The following GLYATL1 variants were observed in gnomAD, a reference collection of about 807,000 sequenced individuals.
GLYATL1 encodes the protein glycine N-acyltransferase-like protein 1.
A neutral mutation model predicts 20.0 loss-of-function variants in GLYATL1; 15 were observed. That is an observed-to-expected ratio of 0.75 (90% CI 0.50 to 1.15). The LOEUF (loss-of-function observed/expected upper bound fraction) is 1.15. Among genes scored for constraint, GLYATL1 ranks in the 50% most tolerant of loss-of-function variants. The probability of loss-of-function intolerance (pLI) is 0.00; values close to 1 mark genes in which losing one functional copy is unlikely to be tolerated. For missense variants in GLYATL1, 380 were observed against 368.5 expected (o/e 1.03, Z -0.26); for synonymous variants, 151 against 131.5 (o/e 1.15, Z -1.01).
At chr11:58,954,465 A>T (rs1257317688) in intron 4 of GLYATL1, among the ~76,000 whole-genome samples, 4 of 152,040 alleles carry the variant, frequency 2.6e-5, no homozygotes, top group Non-Finnish European at 5.9e-5. Flanking sequence ...GGGTAGGGAG[A>T]AAGGTGAGGC....
rs78104507 is a variant in GLYATL1 at position 58,920,192 on chromosome 11, C to T, written n.264+14531C>T. ...GCCCTTTGTAGTGCAATACTGCCAC[C>T]TGTTTCCGGGCCCATACAGTGTCTA... On this transcript the variant is annotated intron_variant and non_coding_transcript_variant, in intron 1 of 2. Coordinates refer to the GLYATL1 transcript ENST00000534674. Among the ~76,000 whole-genome samples, 214 of 152,240 alleles carry T rather than the reference C, an allele frequency of 1.4e-3. 5 individuals are homozygous for T. The East Asian group carries it at 0.036, about 25-fold the overall frequency.
At chr11:58,931,759 CAT>C (rs558277662) in intron 1 of GLYATL1, among the ~76,000 whole-genome samples, 54 of 152,104 alleles carry the variant, frequency 3.6e-4, no homozygotes, top group Non-Finnish European at 6.8e-4. Flanking sequence ...ACTCAGAATA[CAT>C]GTTTAACACG....
Position 58,955,729 on chromosome 11 carries a change from A to T in GLYATL1, c.611A>T (p.Asp204Val). The T allele has an allele frequency of 6.2e-7, 1 of 1,613,788 alleles. No homozygotes were observed. The highest frequency in any genetic ancestry group is 8.5e-7 in the Non-Finnish European group (1 of 1,179,964). ...SLHYIKRCIE[D>V]LPAACMLGPE... is the part of the protein sequence containing the mutation. ...CATTACATCAAGCGCTGCATAGAAG[A>T]CCTGCCAGCAGCCTGTATGCTCGGC... Residue 204 changes from aspartate to valine, a missense_variant, in exon 7 of 7, where the codon GAC becomes GTC. Asp to Val is a radical substitution (Grantham distance 152). Transcript: ENST00000532726.
At chr11:58,915,282 C>T (rs920296145) in intron 1 of GLYATL1, among the ~76,000 whole-genome samples, 3 of 152,212 alleles carry the variant, frequency 2.0e-5, no homozygotes, top group Admixed American at 6.5e-5. Flanking sequence ...CAGTCTCCTC[C>T]TGGTGAGGTG....
upstream of GLYATL1, among the ~76,000 whole-genome samples, chr11:58,936,272 TCTG>T (rs1353402427): frequency 6.6e-6 from 1 of 152,222 alleles, no homozygotes; most frequent in East Asian, 1.9e-4. Flanking sequence ...TGATGAGATA[TCTG>T]GAGTCACAAT....
chr11:58,905,686 G>T (rs1248443861), intron 1 of GLYATL1: 2 of 452,638 alleles, frequency 4.4e-6, no homozygotes, highest in African/African-American at 2.0e-5. Flanking sequence ...GCTGTGGACC[G>T]AGTGGTTCGG....
At chr11:58,907,217 GTCTC>G (rs141204903) in intron 1 of GLYATL1, 7 of 450,884 alleles carry the variant, frequency 1.6e-5, no homozygotes, top group Admixed American at 1.4e-4. Context: ...TGAGTTTTCT[GTCTC>G]TCTCTCTCTG....
chr11:58,947,744 A>G, intron 3 of GLYATL1, 114 bp from the exon 4 acceptor site: 1 of 729,802 alleles, frequency 1.4e-6, no homozygotes, highest in Non-Finnish European at 2.5e-6. Context: ...TCTCACCATC[A>G]CTGACTTGGT....
upstream of GLYATL1, chr11:58,927,610 GC>G (rs1855458368): frequency 6.6e-6 from 1 of 152,436 alleles, no homozygotes; most frequent in East Asian, 1.9e-4. Context: ...TGCCTCTGCT[GC>G]CATGTGGGCG....
At chr11:58,931,946 G>C (rs536979847) in intron 1 of GLYATL1, among the ~76,000 whole-genome samples, 9 of 151,638 alleles carry the variant, frequency 5.9e-5, no homozygotes, top group African/African-American at 2.2e-4. Flanking sequence ...CCCATCTCTA[G>C]TAAAACAGTA....
intron 3 of GLYATL1, chr11:58,947,524 G>A (rs1044227620): frequency 6.7e-6 from 3 of 445,006 alleles, no homozygotes; most frequent in Non-Finnish European, 1.2e-5. Context: ...TTCCATCAAT[G>A]AGATGGGAAT....
At chr11:58,932,375 A>G (rs995846861) in intron 1 of GLYATL1, among the ~76,000 whole-genome samples, 5 of 152,174 alleles carry the variant, frequency 3.3e-5, no homozygotes, top group Non-Finnish European at 7.3e-5. Context: ...ATAATAGGGC[A>G]ATATCTATTA....
intron 1 of GLYATL1, among the ~76,000 whole-genome samples, chr11:58,905,857 G>A (rs1410558191): frequency 6.6e-6 from 1 of 152,262 alleles, no homozygotes; most frequent in African/African-American, 2.4e-5. Context: ...ACTGTCTGGA[G>A]TGATGCGAAT....
chr11:58,954,832 A>C lies in GLYATL1; in HGVS notation c.249A>C (p.Gln83His). 6.2e-7 allele frequency: 1 copy of C among 1,613,518 alleles called. No homozygotes were observed. ...ATCGTATGTTCTCCAAAGAGCCTCAAAAATCAGAAGAAGTTTTGAAAAATT... is the reference window on the plus strand; with the variant it reads ...ATCGTATGTTCTCCAAAGAGCCTCACAAATCAGAAGAAGTTTTGAAAAATT... ...NVYRMFSKEP[Q>H]KSEEVLKNCE... The change falls in exon 5 of 7, where the codon CAA (glutamine) becomes CAC (histidine). Residue 83 changes from glutamine (Q) to histidine (H), a missense_variant. Coordinates refer to ENST00000532726, the MANE Select transcript of GLYATL1 (RefSeq NM_001389712.2).
At position 58,906,359 on chromosome 11, in the gene GLYATL1, C is replaced by T. The variant is rs1026840411; in HGVS notation, n.238+698C>T. Among the ~76,000 whole-genome samples, 8 of 152,286 alleles carry T rather than the reference C, an allele frequency of 5.3e-5. 1 individual carries two copies. Among genetic ancestry groups the T allele is most frequent in the Admixed American group, 4.6e-4 (7 of 15,302 alleles). On this transcript the variant is annotated intron_variant and non_coding_transcript_variant, in intron 1 of 1. Coordinates refer to the GLYATL1 transcript ENST00000524629. ...GTCGTTTGACCCTGGTGGATCCTTT[C>T]CTTCCCTGGTGCCCTTTGCACCCAT...
chr11:58,905,676 G>T (rs1258096481), intron 1 of GLYATL1: 1 of 454,404 alleles, frequency 2.2e-6, no homozygotes, highest in Admixed American at 2.4e-5. Flanking sequence ...GCGGGAACTG[G>T]CTGTGGACCG....
intron 1 of GLYATL1, among the ~76,000 whole-genome samples, chr11:58,930,981 G>A (rs1401480890): frequency 6.6e-6 from 1 of 152,200 alleles, no homozygotes; most frequent in Non-Finnish European, 1.5e-5. Context: ...ATTAGATCAT[G>A]AGGGCTCTAC....
At chr11:58,945,099 T>G in intron 2 of GLYATL1, among the ~76,000 whole-genome samples, 1 of 150,282 alleles carries the variant, frequency 6.7e-6, no homozygotes, top group East Asian at 1.9e-4. Context: ...GAATGAGTAA[T>G]TGTGATTTCA....
intron 1 of GLYATL1, among the ~76,000 whole-genome samples, chr11:58,916,820 T>C (rs1330977937): frequency 3.3e-5 from 5 of 152,256 alleles, no homozygotes; most frequent in Non-Finnish European, 7.3e-5. Context: ...CATAGATTTA[T>C]TGATGTGAAA....
Sources: gnomAD v4.1 joint callset for allele counts (sites outside exome capture counted in the v4.1 genomes callset) on GRCh38, gnomAD v4.1.1 for gene constraint, MANE v1.5 for transcripts, NCBI Gene and HGNC (gene_info 2026-07-23, HGNC 2026-07-21) for gene names.